CCDC7: variants seen among roughly 807,000 people sequenced by gnomAD.
CCDC7 encodes coiled-coil domain containing 7.
In CCDC7, 183 loss-of-function variants were observed where a neutral mutation model predicts 196.9. The observed-to-expected ratio is 0.93, with a 90% CI of 0.82 to 1.05. CCDC7 has a LOEUF of 1.05. Ranked by LOEUF, CCDC7 falls within the 50% of genes least tolerant of loss-of-function variation. The pLI is 0.00. For missense variants in CCDC7, 1,540 were observed against 1,482.2 expected (o/e 1.04, Z -0.64); for synonymous variants, 525 against 484.6 (o/e 1.08, Z -1.10).
At chr10:32,502,089 G>A (rs543050573) in intron 9 of CCDC7, among the ~76,000 whole-genome samples, 8 of 152,260 alleles carry the variant, frequency 5.3e-5, no homozygotes, top group East Asian at 3.9e-4. Context: ...TACCAAGGTC[G>A]AGTATCCCAG....
chr10:32,644,993 T>G (rs186261560), intron 20 of CCDC7, among the ~76,000 whole-genome samples: 40 of 152,340 alleles, frequency 2.6e-4, no homozygotes, highest in African/African-American at 9.6e-4. Context: ...TTATTAGCAA[T>G]GTGGAACCAG....
chr10:32,726,813 T>C lies in CCDC7; in HGVS notation c.2649T>C (p.Pro883=), dbSNP rs1009843770. 6 of 1,591,784 alleles carry C rather than the reference T, an allele frequency of 3.8e-6. No individual in the cohort carries two copies. The African/African-American group carries it at 8.1e-5, about 21-fold the overall frequency. The change falls in exon 26 of 42, where the codon CCT becomes CCC. Residue 883 remains proline, a synonymous_variant. Coordinates refer to ENST00000639629, the Ensembl canonical transcript of CCDC7. ...TGCAAGAAAAGAAAAAAATAACTCCTGGAAGGGAAAGGCGTAATAGTAAGT... is the reference window on the plus strand; with the variant it reads ...TGCAAGAAAAGAAAAAAATAACTCCCGGAAGGGAAAGGCGTAATAGTAAGT...
chr10:32,550,400 C>A (rs1314810071), intron 13 of CCDC7, among the ~76,000 whole-genome samples: 1 of 152,100 alleles, frequency 6.6e-6, no homozygotes, highest in Non-Finnish European at 1.5e-5. Context: ...TCTTTTATTT[C>A]TTTCTCTTGT....
At chr10:32,635,237 T>G (rs2139613330) in intron 20 of CCDC7, 79 bp downstream of exon 21, 1 of 391,418 alleles carries the variant, frequency 2.6e-6, no homozygotes, top group Admixed American at 4.4e-5. Flanking sequence ...TGAATATATC[T>G]ACAACTTTTT....
chr10:32,611,961 C>T (rs1055765205), intron 18 of CCDC7, among the ~76,000 whole-genome samples: 3 of 152,116 alleles, frequency 2.0e-5, no homozygotes, highest in African/African-American at 4.8e-5. Context: ...TGAAGAAAGT[C>T]AATGGTATCT....
chr10:32,451,570 A>C, upstream of CCDC7: 2 of 1,509,060 alleles, frequency 1.3e-6, no homozygotes, highest in Non-Finnish European at 1.8e-6. Context: ...GTTTTCTCTG[A>C]ATCTCTTATT....
At chr10:32,623,877 C>T (rs548971291) in intron 18 of CCDC7, 49 of 434,990 alleles carry the variant, frequency 1.1e-4, no homozygotes, top group African/African-American at 7.9e-4. Flanking sequence ...AACCAGATTT[C>T]GCCTGAACTG....
chr10:32,763,534 G>A (rs181857945), intron 28 of CCDC7, among the ~76,000 whole-genome samples: 111 of 151,988 alleles, frequency 7.3e-4, no homozygotes, highest in African/African-American at 2.5e-3. Flanking sequence ...CTGCATCCCC[G>A]TGTCCATGTA....
chr10:32,645,845 C>T (rs1439924621), intron 20 of CCDC7, among the ~76,000 whole-genome samples: 1 of 151,960 alleles, frequency 6.6e-6, no homozygotes, highest in African/African-American at 2.4e-5. Flanking sequence ...GTAGTAGCCT[C>T]TTATGATCCT....
At chr10:32,562,608 A>G (rs1277615304) in intron 13 of CCDC7, among the ~76,000 whole-genome samples, 1 of 152,230 alleles carries the variant, frequency 6.6e-6, no homozygotes, top group Non-Finnish European at 1.5e-5. Context: ...ACAACGCTTC[A>G]TGCTAAAAAC....
intron 28 of CCDC7, among the ~76,000 whole-genome samples, chr10:32,773,418 A>G (rs566669426): frequency 6.6e-6 from 1 of 151,552 alleles, no homozygotes; most frequent in South Asian, 2.1e-4. Context: ...TCTGTCTTTG[A>G]GTTCACTGAT....
At chr10:32,448,714 C>A (rs145968204), upstream of CCDC7, among the ~76,000 whole-genome samples, 1 of 152,132 alleles carries the variant, frequency 6.6e-6, no homozygotes, top group African/African-American at 2.4e-5. Flanking sequence ...ATCGGATGAT[C>A]TTCTGAACAT....
chr10:32,794,648 G>A (rs1332554137), intron 29 of CCDC7, among the ~76,000 whole-genome samples: 3 of 151,918 alleles, frequency 2.0e-5, no homozygotes, highest in Non-Finnish European at 4.4e-5. Flanking sequence ...TTATCTCATG[G>A]CTTTGATTTG....
intron 11 of CCDC7, among the ~76,000 whole-genome samples, chr10:32,527,336 C>T (rs146356751): frequency 3.3e-5 from 5 of 152,346 alleles, no homozygotes; most frequent in Admixed American, 3.3e-4. Context: ...CTGCCCTCCT[C>T]AATGCCTCTT....
chr10:32,706,928 CCAAT>C (rs2079873210), intron 24 of CCDC7, among the ~76,000 whole-genome samples: 2 of 152,170 alleles, frequency 1.3e-5, no homozygotes, highest in African/African-American at 4.8e-5. Context: ...TGAAATTATT[CCAAT>C]CAGTAGAAAA....
At chr10:32,533,512 T>G (rs2050016891) in intron 11 of CCDC7, among the ~76,000 whole-genome samples, 1 of 152,104 alleles carries the variant, frequency 6.6e-6, no homozygotes, top group East Asian at 1.9e-4. Flanking sequence ...AAAAGTTTTT[T>G]TTTATTTTGC....
At chr10:32,769,229 C>T (rs1418649543) in intron 28 of CCDC7, among the ~76,000 whole-genome samples, 3 of 151,946 alleles carry the variant, frequency 2.0e-5, no homozygotes, top group African/African-American at 2.4e-5. Flanking sequence ...CTGGTTCAGT[C>T]GTGGAAGGTT....
intron 24 of CCDC7, among the ~76,000 whole-genome samples, chr10:32,697,345 C>T (rs1188208584): frequency 6.6e-6 from 1 of 152,016 alleles, no homozygotes; most frequent in East Asian, 1.9e-4. Flanking sequence ...TGGGTGCAGC[C>T]CACAGAGTGT....
At chr10:32,735,770 T>A (rs2084758937) in intron 28 of CCDC7, among the ~76,000 whole-genome samples, 1 of 152,196 alleles carries the variant, frequency 6.6e-6, no homozygotes, top group African/African-American at 2.4e-5. Context: ...CACTTGTTCC[T>A]TTGTGTCTTC....
Sources: allele counts gnomAD v4.1 joint callset (sites outside exome capture counted in the v4.1 genomes callset), GRCh38; gene constraint gnomAD v4.1.1; transcripts MANE v1.5; gene names NCBI Gene and HGNC (gene_info 2026-07-23, HGNC 2026-07-21).